EXOC7: variants seen among roughly 807,000 people sequenced by gnomAD.
EXOC7 encodes exocyst complex component Exo70.
Under a neutral mutation model 87.6 loss-of-function variants are expected in EXOC7, and 51 were observed. The ratio of observed to expected loss-of-function variants is 0.58; its 90% confidence interval spans 0.46 to 0.73. The LOEUF (loss-of-function observed/expected upper bound fraction) is 0.73, where lower values mean the gene tolerates loss of function less well. Ranked by LOEUF, EXOC7 falls within the 30% of genes least tolerant of loss-of-function variation. EXOC7 has a pLI of 0.00. For missense variants in EXOC7, 744 were observed against 888.4 expected (o/e 0.84, Z 2.07); for synonymous variants, 327 against 357.1 (o/e 0.92, Z 0.95).
rs1415204890 is a variant in EXOC7, at chr17:76,091,180, A to T, written c.864T>A (p.Asp288Glu). ...LLKQYSQHGLDGKKGGSNLIP... is the reference protein window; with the variant it reads ...LLKQYSQHGLEGKKGGSNLIP... ...TGAGGTTAGAGCCCCCCTTTTTCCCATCTAGACCATGCTGGGAATACTGTT... is the reference window on the plus strand; with the variant it reads ...TGAGGTTAGAGCCCCCCTTTTTCCCTTCTAGACCATGCTGGGAATACTGTT... The change falls in exon 7 of 19, where the codon GAT becomes GAA. Residue 288 changes from aspartate (D) to glutamate (E), a missense_variant. Coordinates refer to ENST00000589210, the MANE Select transcript of EXOC7 (RefSeq NM_001013839.4). The T allele has an allele frequency of 2.5e-6, 4 of 1,614,148 alleles. No homozygotes were observed. In the South Asian group the frequency reaches 4.4e-5, roughly 18 times the overall value.
intron 17 of EXOC7, 34 bp from the exon 18 acceptor site, chr17:76,084,173 C>A: frequency 6.3e-7 from 1 of 1,596,062 alleles, no homozygotes; most frequent in South Asian, 1.1e-5. Flanking sequence ...GGAAGGCACC[C>A]AGAGACAAAC....
intron 2 of EXOC7, among the ~76,000 whole-genome samples, chr17:76,102,345 C>T (rs999507782): frequency 6.6e-6 from 1 of 151,890 alleles, no homozygotes; most frequent in Non-Finnish European, 1.5e-5. Flanking sequence ...GAGGCTGAGG[C>T]GGGAGGTTAG....
intron 7 of EXOC7, chr17:76,090,556 AC>A: frequency 7.3e-7 from 1 of 1,374,678 alleles, no homozygotes; most frequent in Non-Finnish European, 9.9e-7. Flanking sequence ...CCCCTCCTCT[AC>A]CTCAAGCCAC....
chr17:76,089,043 G>T, intron 8 of EXOC7, 120 bp from the exon 9 acceptor site: 2 of 1,474,588 alleles, frequency 1.4e-6, no homozygotes, highest in Non-Finnish European at 1.9e-6. Context: ...TGACGGGGAG[G>T]TGGTGAGCGT....
At chr17:76,100,303 T>C (rs2067994488) in intron 4 of EXOC7, among the ~76,000 whole-genome samples, 1 of 152,104 alleles carries the variant, frequency 6.6e-6, no homozygotes, top group African/African-American at 2.4e-5. Context: ...ATTGTGAATC[T>C]ACTTAATGCC....
rs551339016 is a variant in EXOC7, at chr17:76,096,448, G to T, written c.640+1348C>A. ...AATTGCTTGAACCCAGGAGGCAGAG[G>T]TTGCGGTGAGCCAATATCATGCCAC... On this transcript the variant is annotated intron_variant, in intron 5 of 18. Coordinates refer to ENST00000589210, the MANE Select transcript of EXOC7 (RefSeq NM_001013839.4). 2.9e-4 allele frequency among the ~76,000 whole-genome samples: 43 copies of T among 147,564 alleles called. No individual in the cohort carries two copies. In the South Asian group the frequency reaches 9.3e-3, roughly 32 times the overall value.
rs532474792 is a variant in EXOC7 at position 76,082,234 on chromosome 17, C to T, written c.*1414G>A. ...GTCTGGGGCAGGGAGCAAGCTGAGC[C>T]TCCCTGAAGTCCCAGGTGACCTCAA... On this transcript the variant is annotated 3_prime_UTR_variant, in exon 19 of 19. Transcript: ENST00000589210. The T allele has an allele frequency of 5.8e-5, 48 of 832,586 alleles. 1 individual carries two copies. In the South Asian group the frequency reaches 8.8e-4, roughly 15 times the overall value. The allele number at this position is 832,586 out of a possible 1,614,324, so 51.6% of individuals were successfully genotyped here. A position where few individuals can be genotyped will look rare whatever the true frequency, so the allele number is the denominator to read the frequency against.
rs1398431823 is a variant in EXOC7, at chr17:76,081,218, CCA to C, written c.*2428_*2429del. 6.2e-7 allele frequency: 1 copy of C among 1,603,074 alleles called. No individual in the cohort carries two copies. The highest frequency in any genetic ancestry group is 2.2e-5 in the East Asian group (1 of 44,802). ...ACCCCTGGGCTCCAGTCTGCTACCC[CCA>C]GACTTGGCAGCTGGGATCTCTCCTT... On this transcript the variant is annotated 3_prime_UTR_variant, in exon 19 of 19. Transcript: ENST00000589210.
chr17:76,100,849 CG>C (rs2068024032), intron 4 of EXOC7, among the ~76,000 whole-genome samples: 1 of 151,634 alleles, frequency 6.6e-6, no homozygotes, highest in Non-Finnish European at 1.5e-5. Context: ...GGTGCGGTGG[CG>C]AGTGCCTGTA....
intron 2 of EXOC7, 124 bp from the exon 3 acceptor site, chr17:76,101,987 G>C: frequency 1.4e-6 from 1 of 723,180 alleles, no homozygotes; most frequent in East Asian, 2.8e-5. Context: ...ACAAGCGAAG[G>C]AACAGGGTGT....
chr17:76,101,843 A>G lies in EXOC7; in HGVS notation c.147T>C (p.Phe49=). ...TCTCCAGCTTCATAAGGCGGCTCTC[A>G]AAGGATGATAAGATAGACACCTGCG... The part of the protein sequence containing the change: ...TKNMVSILSS[F]ESRLMKLENS... The change falls in exon 3 of 19, where the codon TTT becomes TTC. Residue 49 remains phenylalanine, a synonymous_variant. Transcript: ENST00000589210. The G allele has an allele frequency of 1.9e-6, 3 of 1,613,560 alleles. No homozygotes were observed.
chr17:76,095,361 C>A (rs926548792), intron 5 of EXOC7, among the ~76,000 whole-genome samples: 1 of 151,250 alleles, frequency 6.6e-6, no homozygotes, highest in Admixed American at 6.6e-5. Context: ...CTCTGCCTCC[C>A]GGGTTAAAGT....
At chr17:76,096,517 A>C (rs904189671) in intron 5 of EXOC7, among the ~76,000 whole-genome samples, 1 of 151,474 alleles carries the variant, frequency 6.6e-6, no homozygotes, top group African/African-American at 2.4e-5. Flanking sequence ...GTCTCAAAAA[A>C]AAAAAAAAAA....
At chr17:76,084,191 G>A (rs1345070602) in intron 17 of EXOC7, 52 bp from the exon 18 acceptor site, 1 of 1,600,576 alleles carries the variant, frequency 6.2e-7, no homozygotes. Flanking sequence ...AACATTTTGG[G>A]TCTGTGTTGC....
At chr17:76,083,960 CTG>C in intron 18 of EXOC7, 44 bp downstream of exon 18, 1 of 1,510,050 alleles carries the variant, frequency 6.6e-7, no homozygotes, top group Non-Finnish European at 8.8e-7. Context: ...AAGAGGCCCA[CTG>C]GGGCTGTGGG....
chr17:76,103,486 TC>T, intron 1 of EXOC7, 60 bp from the exon 2 acceptor site: 1 of 1,554,772 alleles, frequency 6.4e-7, no homozygotes. Context: ...GACCACTGCG[TC>T]CCAACCCCAC....
intron 2 of EXOC7, among the ~76,000 whole-genome samples, chr17:76,102,724 G>T (rs1238783871): frequency 6.6e-6 from 1 of 152,162 alleles, no homozygotes; most frequent in East Asian, 1.9e-4. Flanking sequence ...GTCTCCCCTA[G>T]GAATAAAGAA....
At chr17:76,101,178 G>A (rs1322642568) in intron 4 of EXOC7, 93 bp downstream of exon 4, 2 of 1,608,702 alleles carry the variant, frequency 1.2e-6, no homozygotes, top group South Asian at 2.2e-5. Flanking sequence ...GTATTCTACT[G>A]CATACATCCT....
Position 76,094,428 on chromosome 17 carries a change from G to A in EXOC7, c.794C>T (p.Pro265Leu). Residue 265 changes from proline to leucine, a missense_variant, in exon 6 of 19, where the codon CCA becomes CTA. This residue lies in a region of EXOC7 where 512 missense variants were observed against 573.0 expected (regional missense o/e 0.89). Transcript: ENST00000589210. Reference sequence around the variant, plus strand: ...TGGGGGCTCACCTGGCCGCTTGACTGGCTTCTTGGTAGGTGTGTCTTTCCT... The same window carrying A: ...TGGGGGCTCACCTGGCCGCTTGACTAGCTTCTTGGTAGGTGTGTCTTTCCT... ...NKRKDTPTKK[P>L]VKRPGTIRKA... 6.2e-7 allele frequency: 1 copy of A among 1,613,526 alleles called. No individual in the cohort carries two copies. The highest frequency in any genetic ancestry group is 8.5e-7 in the Non-Finnish European group (1 of 1,179,696).
Sources: allele counts gnomAD v4.1 joint callset (sites outside exome capture counted in the v4.1 genomes callset), GRCh38; gene constraint gnomAD v4.1.1; regional missense constraint gnomAD v4.1.1; transcripts MANE v1.5; gene names NCBI Gene and HGNC (gene_info 2026-07-23, HGNC 2026-07-21).